The following NAALADL2 variants were observed in gnomAD, a reference collection of about 807,000 sequenced individuals.
NAALADL2 encodes the protein N-acetylated alpha-linked acidic dipeptidase like 2, also known as inactive N-acetylated-alpha-linked acidic dipeptidase-like protein 2.
Under a neutral mutation model 87.2 loss-of-function variants are expected in NAALADL2, and 76 were observed. That is an observed-to-expected ratio of 0.87 (90% CI 0.72 to 1.05). The LOEUF is 1.05. Among genes scored for constraint, NAALADL2 ranks in the 50% least tolerant of loss-of-function variants. The pLI is 0.00. For synonymous variants in NAALADL2, 354 were observed against 331.0 expected (o/e 1.07, Z -0.75); for missense variants, 1,089 against 945.8 (o/e 1.15, Z -1.99).
At chr3:175,136,849 TATG>T (rs1433843610) in intron 2 of NAALADL2, among the ~76,000 whole-genome samples, 1 of 152,152 alleles carries the variant, frequency 6.6e-6, no homozygotes, top group African/African-American at 2.4e-5. Flanking sequence ...CAATAAAAAT[TATG>T]ATATTTATTT....
chr3:174,602,716 A>G (rs535600738), intron 2 of NAALADL2, among the ~76,000 whole-genome samples: 42 of 152,096 alleles, frequency 2.8e-4, no homozygotes, highest in South Asian at 6.2e-4. Context: ...AGATCTTAAA[A>G]AAGACTTTCA....
At chr3:175,242,149 C>A (rs1488451536) in intron 3 of NAALADL2, among the ~76,000 whole-genome samples, 1 of 151,956 alleles carries the variant, frequency 6.6e-6, no homozygotes, top group Non-Finnish European at 1.5e-5. Flanking sequence ...CATGAGCCAC[C>A]GCGCCCGGCC....
rs190264488 is a variant in NAALADL2, at chr3:174,927,888, A to T, written c.43+68438A>T. 2.8e-4 allele frequency among the ~76,000 whole-genome samples: 42 copies of T among 152,298 alleles called. 1 individual carries two copies. The highest frequency in any genetic ancestry group is 1.7e-3 in the Admixed American group (26 of 15,292). Reference sequence around the variant, plus strand: ...CATAACTAAAGGAGATAGAGACACAAAAAACCCTTCAAAAAATCAATGAAT... The same window carrying T: ...CATAACTAAAGGAGATAGAGACACATAAAACCCTTCAAAAAATCAATGAAT... On this transcript the variant is annotated intron_variant, in intron 1 of 13. Coordinates refer to ENST00000454872, the MANE Select transcript of NAALADL2 (RefSeq NM_207015.3).
intron 4 of NAALADL2, among the ~76,000 whole-genome samples, chr3:175,301,671 G>C (rs1400984410): frequency 6.6e-6 from 1 of 152,120 alleles, no homozygotes; most frequent in African/African-American, 2.4e-5. Flanking sequence ...GATAACAACT[G>C]ATGTATACCA....
chr3:175,660,072 C>T (rs913286370), intron 11 of NAALADL2, among the ~76,000 whole-genome samples: 1 of 152,076 alleles, frequency 6.6e-6, no homozygotes, highest in South Asian at 2.1e-4. Flanking sequence ...ATGGTGCTTT[C>T]CTGGTATGTC....
At chr3:174,983,338 C>T (rs1044697666) in intron 1 of NAALADL2, among the ~76,000 whole-genome samples, 35 of 151,978 alleles carry the variant, frequency 2.3e-4, no homozygotes, top group African/African-American at 8.2e-4. Context: ...GATACCTGGT[C>T]CTGGTGATTT....
intron 11 of NAALADL2, among the ~76,000 whole-genome samples, chr3:175,656,621 AG>A (rs1731496320): frequency 6.6e-6 from 1 of 152,162 alleles, no homozygotes; most frequent in Non-Finnish European, 1.5e-5. Context: ...ATCTATCTAG[AG>A]AACTACTAAG....
chr3:175,573,072 T>C (rs183896756), intron 9 of NAALADL2, among the ~76,000 whole-genome samples: 1 of 152,304 alleles, frequency 6.6e-6, no homozygotes, highest in Admixed American at 6.5e-5. Context: ...TTAAATGCAA[T>C]GTTTATTTTT....
chr3:175,448,595 C>T lies in NAALADL2; in HGVS notation c.1234+1223C>T, dbSNP rs190857016. On this transcript the variant is annotated intron_variant, in intron 6 of 13. Coordinates refer to ENST00000454872, the MANE Select transcript of NAALADL2 (RefSeq NM_207015.3). Reference sequence around the variant, plus strand: ...CCCCTATGTCACCTCCCACTGGAAGCCTCTATGTCTGCAGCTACAAAAAAT... The same window carrying T: ...CCCCTATGTCACCTCCCACTGGAAGTCTCTATGTCTGCAGCTACAAAAAAT... 3.4e-3 allele frequency among the ~76,000 whole-genome samples: 513 copies of T among 152,302 alleles called. 15 individuals are homozygous for T. The South Asian group carries it at 0.067, about 20-fold the overall frequency.
intron 9 of NAALADL2, among the ~76,000 whole-genome samples, chr3:175,555,359 T>A (rs553859818): frequency 6.6e-6 from 1 of 152,200 alleles, no homozygotes; most frequent in African/African-American, 2.4e-5. Context: ...AGTGAGTACA[T>A]TTATTGCATT....
chr3:174,825,164 C>A (rs1412314534), intron 3 of NAALADL2, among the ~76,000 whole-genome samples: 1 of 152,170 alleles, frequency 6.6e-6, no homozygotes, highest in Non-Finnish European at 1.5e-5. Context: ...GGAATTGGCA[C>A]ACATGATGGA....
chr3:175,194,755 A>G (rs548092477), intron 2 of NAALADL2, among the ~76,000 whole-genome samples: 5 of 151,774 alleles, frequency 3.3e-5, no homozygotes, highest in Non-Finnish European at 7.4e-5. Context: ...TATACATTTA[A>G]GAATCTTGTT....
intron 2 of NAALADL2, among the ~76,000 whole-genome samples, chr3:175,145,111 A>T (rs1730562420): frequency 6.6e-6 from 1 of 151,986 alleles, no homozygotes; most frequent in South Asian, 2.1e-4. Context: ...GGGCTGTCCT[A>T]GCTCTTGCTA....
chr3:174,807,886 TGTGA>T (rs1238138339), intron 3 of NAALADL2, among the ~76,000 whole-genome samples: 1 of 144,432 alleles, frequency 6.9e-6, no homozygotes, highest in East Asian at 2.2e-4. Context: ...TGTGTGTGTG[TGTGA>T]GAGAGAGAGA....
intron 2 of NAALADL2, among the ~76,000 whole-genome samples, chr3:174,704,693 A>AT (rs910249278): frequency 2.6e-5 from 4 of 151,894 alleles, no homozygotes; most frequent in Admixed American, 1.3e-4. Context: ...TGGAAAATAG[A>AT]TAAAAAAAAA....
In NAALADL2 at chr3:175,036,608, C is replaced by T. The variant is rs538201465; in HGVS notation, c.44-60182C>T. Among the ~76,000 whole-genome samples, 45 of 151,898 alleles carry T rather than the reference C, an allele frequency of 3.0e-4. 1 individual carries two copies. Among genetic ancestry groups the T allele is most frequent in the Non-Finnish European group, 5.4e-4 (37 of 67,968 alleles). On this transcript the variant is annotated intron_variant, in intron 1 of 13. Transcript: ENST00000454872. ...TAGAGACGGGGTTTCACCATGTTAGCCAGGATGGTCTCGATCTCCTGACCT... is the reference window on the plus strand; with the variant it reads ...TAGAGACGGGGTTTCACCATGTTAGTCAGGATGGTCTCGATCTCCTGACCT...
chr3:174,889,640 T>TA (rs555502111), intron 1 of NAALADL2, among the ~76,000 whole-genome samples: 66 of 147,184 alleles, frequency 4.5e-4, no homozygotes, highest in African/African-American at 7.4e-4. Flanking sequence ...ATCCAAGCAC[T>TA]AAAAAAAAAA....
At chr3:174,922,623 C>T (rs1735410650) in intron 1 of NAALADL2, among the ~76,000 whole-genome samples, 1 of 152,096 alleles carries the variant, frequency 6.6e-6, no homozygotes, top group South Asian at 2.1e-4. Context: ...TCTTTCATCT[C>T]TCCAGTTTGT....
intron 13 of NAALADL2, among the ~76,000 whole-genome samples, chr3:175,781,711 T>A (rs114218859): frequency 6.6e-6 from 1 of 151,972 alleles, no homozygotes; most frequent in East Asian, 1.9e-4. Context: ...GCTTTTATTT[T>A]TTTTATTTTT....
Sources: allele counts gnomAD v4.1 joint callset (sites outside exome capture counted in the v4.1 genomes callset), GRCh38; gene constraint gnomAD v4.1.1; transcripts MANE v1.5; gene names NCBI Gene and HGNC (gene_info 2026-07-23, HGNC 2026-07-21).